PRB4: variants seen among roughly 807,000 people sequenced by gnomAD.
PRB4 encodes proline rich protein BstNI subfamily 4.
In PRB4, 14 loss-of-function variants were observed where a neutral mutation model predicts 9.1. That is an observed-to-expected ratio of 1.54 (90% CI 1.02 to 2.41). The LOEUF (loss-of-function observed/expected upper bound fraction) is 2.41. Ranked by LOEUF, PRB4 falls within the 30% of genes most tolerant of loss-of-function variation. The pLI, the probability that PRB4 is intolerant of heterozygous loss-of-function variation, is 0.00. For synonymous variants in PRB4, 102 were observed against 108.5 expected (o/e 0.94, Z 0.37); for missense variants, 381 against 299.3 (o/e 1.27, Z -2.02).
In PRB4 at chr12:11,310,393, C is replaced by A. The variant is rs1332777623; in HGVS notation, c.6G>T (p.Leu2=). 1 of 1,614,126 alleles carries A rather than the reference C, an allele frequency of 6.2e-7. No individual in the cohort carries two copies. Among genetic ancestry groups the A allele is most frequent in the Admixed American group, 1.7e-5 (1 of 60,014 alleles). Residue 2 remains leucine (L), a synonymous_variant, in exon 1 of 4, where the codon CTG becomes CTT. Coordinates refer to ENST00000279575, the MANE Select transcript of PRB4 (RefSeq NM_002723.6). M[L]LILLSVALLA... is the part of the protein sequence containing the mutation. ...GCAGGGCCACTGACAGCAGAATCAG[C>A]AGCATCTCGCTGGAGGCTCTGGAGT...
intron 1 of PRB4, 86 bp from the exon 2 acceptor site, chr12:11,309,491 C>T (rs188057707): frequency 1.5e-5 from 24 of 1,610,300 alleles, no homozygotes; most frequent in Middle Eastern, 1.7e-4. Flanking sequence ...ATTGTCTTCT[C>T]ACCACACCCC....
chr12:11,308,727 C>T lies in PRB4; in HGVS notation c.256G>A (p.Gly86Ser). 1.2e-6 allele frequency: 2 copies of T among 1,611,278 alleles called. No homozygotes were observed. Among genetic ancestry groups the T allele is most frequent in the Non-Finnish European group, 1.7e-6 (2 of 1,178,600 alleles). The stretch of plus-strand genomic sequence containing the variant: ...GGTGGGGGACCTTGGGACTGGTTGC[C>T]TCCTTGTGGGGGTCGTCCTTCTGGC... ...GKPEGRPPQG[G>S]NQSQGPPPHP... is the part of the protein sequence containing the mutation. Residue 86 changes from glycine (G) to serine (S), a missense_variant, in exon 3 of 4, where the codon GGC (glycine) becomes AGC (serine). By Grantham distance (56) the Gly-to-Ser change is moderately conservative. Coordinates refer to ENST00000279575, the MANE Select transcript of PRB4 (RefSeq NM_002723.6).
rs144775849 is a variant in PRB4, at chr12:11,310,334, C to G, written c.64+1G>C. On this transcript the variant is annotated splice_donor_variant, in intron 1 of 3. Coordinates refer to ENST00000279575, the MANE Select transcript of PRB4 (RefSeq NM_002723.6). LOFTEE classifies it high-confidence loss of function. ...CGCATCTTTTCCCCCTTCTGTTTTACCTTCACTTGAACTCTCAGCTGAGCT... is the reference window on the plus strand; with the variant it reads ...CGCATCTTTTCCCCCTTCTGTTTTAGCTTCACTTGAACTCTCAGCTGAGCT... 6.8e-6 allele frequency: 11 copies of G among 1,614,100 alleles called. No homozygotes were observed. In the African/African-American group the frequency reaches 1.5e-4, roughly 22 times the overall value.
rs1017090699 is a variant in PRB4, at chr12:11,309,532, C to T, written c.65-127G>A. 1.7e-5 allele frequency: 27 copies of T among 1,565,312 alleles called. No individual in the cohort carries two copies. In the East Asian group the frequency reaches 6.1e-4, roughly 35 times the overall value. ...TCCCCTAGGTTAACTCATCAGCCACCATCTGTGAAGGTGCTGGAAGGGGTG... is the reference window on the plus strand; with the variant it reads ...TCCCCTAGGTTAACTCATCAGCCACTATCTGTGAAGGTGCTGGAAGGGGTG... On this transcript the variant is annotated intron_variant, in intron 1 of 3. Coordinates refer to ENST00000279575, the MANE Select transcript of PRB4 (RefSeq NM_002723.6).
In PRB4 at chr12:11,308,149, G is replaced by A. The variant is rs1166963937; in HGVS notation, c.*18+72C>T. 7 of 1,500,872 alleles carry A rather than the reference G, an allele frequency of 4.7e-6. No homozygotes were observed. In the African/African-American group the frequency reaches 5.5e-5, roughly 12 times the overall value. The allele number at this position is 1,500,872 out of a possible 1,614,324, so 93.0% of individuals were successfully genotyped here. ...AATACAATGTCAATGGGTTTTAGTT[G>A]ATTCATTGGCACAATAAAGTTGGAG... On this transcript the variant is annotated intron_variant, in intron 3 of 3. Transcript: ENST00000279575.
intron 1 of PRB4, 33 bp downstream of exon 1, chr12:11,310,302 C>A: frequency 6.2e-7 from 1 of 1,613,208 alleles, no homozygotes; most frequent in Non-Finnish European, 8.5e-7. Context: ...AAGTCCCAAG[C>A]AGTCACCGCA....
chr12:11,307,093 T>G lies in PRB4; in HGVS notation c.*125A>C, dbSNP rs1403726426. On this transcript the variant is annotated 3_prime_UTR_variant, in exon 4 of 4. Transcript: ENST00000279575. ...CCACAATCAGAAATTGCAAGCTGAT[T>G]ATTTTATTGGTATATTAAAGTTAGA... is the stretch of plus-strand genomic sequence containing the variant. 6.5e-6 allele frequency: 1 copy of G among 154,600 alleles called. No homozygotes were observed. The highest frequency in any genetic ancestry group is 1.9e-4 in the East Asian group (1 of 5,200). The allele number at this position is 154,600 out of a possible 1,614,324, so 9.6% of individuals were successfully genotyped here.
Position 11,308,211 on chromosome 12 carries a change from G to A in PRB4, c.*18+10C>T. 6.2e-7 allele frequency: 1 copy of A among 1,603,370 alleles called. No homozygotes were observed. The highest frequency in any genetic ancestry group is 1.1e-5 in the South Asian group (1 of 89,178). On this transcript the variant is annotated intron_variant, in intron 3 of 3. Transcript: ENST00000279575. ...TTAGAGTCCTGATGAATAATAAAGT[G>A]GAATCATACCTGTCATTGAATCCTA...
At chr12:11,309,313 T>A in intron 2 of PRB4, 57 bp downstream of exon 2, 1 of 1,613,178 alleles carries the variant, frequency 6.2e-7, no homozygotes, top group South Asian at 1.1e-5. Flanking sequence ...GGAGAAATGA[T>A]CCATTTGTAA....
At chr12:11,309,856 G>A (rs1376349353) in intron 1 of PRB4, among the ~76,000 whole-genome samples, 1 of 152,166 alleles carries the variant, frequency 6.6e-6, no homozygotes, top group Non-Finnish European at 1.5e-5. Flanking sequence ...GAGAAAAATT[G>A]TAATGATTGG....
At chr12:11,309,684 A>G (rs1863008122) in intron 1 of PRB4, among the ~76,000 whole-genome samples, 2 of 152,180 alleles carry the variant, frequency 1.3e-5, no homozygotes, top group Non-Finnish European at 2.9e-5. Context: ...TATGCATGCC[A>G]GGTACTTCAA....
intron 1 of PRB4, 69 bp downstream of exon 1, chr12:11,310,266 C>T (rs1863023009): frequency 2.5e-6 from 4 of 1,586,506 alleles, no homozygotes; most frequent in Admixed American, 1.7e-5. Context: ...CTCCTCTCTT[C>T]CCCATAATTA....
chr12:11,308,990 TCTTTG>T, intron 2 of PRB4, 108 bp from the exon 3 acceptor site: 5 of 1,495,204 alleles, frequency 3.3e-6, no homozygotes, highest in Non-Finnish European at 4.6e-6. Flanking sequence ...GATACTAATT[TCTTTG>T]CATTTTCAGT....
chr12:11,307,973 A>ACCT (rs1862950124), intron 3 of PRB4, among the ~76,000 whole-genome samples: 1 of 151,938 alleles, frequency 6.6e-6, no homozygotes, highest in Non-Finnish European at 1.5e-5. Flanking sequence ...ACATGGTACT[A>ACCT]CCTCCTCATT....
At position 11,310,363 on chromosome 12, in the gene PRB4, G is replaced by A. The variant is rs752965362; in HGVS notation, c.36C>T (p.Ala12=). 1.9e-6 allele frequency: 3 copies of A among 1,614,050 alleles called. No individual in the cohort carries two copies. Among genetic ancestry groups the A allele is most frequent in the African/African-American group, 1.3e-5 (1 of 74,912 alleles). ...CACTTGAACTCTCAGCTGAGCTCAGGGCCAGCAGGGCCACTGACAGCAGAA... is the reference window on the plus strand; with the variant it reads ...CACTTGAACTCTCAGCTGAGCTCAGAGCCAGCAGGGCCACTGACAGCAGAA... The part of the protein sequence containing the change: ...LLILLSVALL[A]LSSAESSSED... The change falls in exon 1 of 4, where the codon GCC becomes GCT. Residue 12 remains alanine (A), a synonymous_variant. Coordinates refer to ENST00000279575, the MANE Select transcript of PRB4 (RefSeq NM_002723.6).
intron 3 of PRB4, 150 bp from the exon 4 acceptor site, chr12:11,307,349 T>G (rs887779312): frequency 1.3e-5 from 2 of 152,616 alleles, no homozygotes; most frequent in Non-Finnish European, 2.9e-5. Context: ...AGGGATATAT[T>G]TACACAGATG....
At chr12:11,307,952 G>A (rs1326963462) in intron 3 of PRB4, among the ~76,000 whole-genome samples, 1 of 152,130 alleles carries the variant, frequency 6.6e-6, no homozygotes, top group African/African-American at 2.4e-5. Context: ...AAAACAGAAC[G>A]CCAAGAATGA....
chr12:11,308,320 A>G lies in PRB4; in HGVS notation c.663T>C (p.Ala221=). The G allele has an allele frequency of 6.2e-7, 1 of 1,610,622 alleles. No homozygotes were observed. The highest frequency in any genetic ancestry group is 8.5e-7 in the Non-Finnish European group (1 of 1,178,158). ...GTGGAGGTGGCCCCTGGGGCTTTCC[A>G]GCAGGAGGTGCCTGAGGCTGCTGGG... ...GNPQQPQAPP[A]GKPQGPPPPP... Residue 221 remains alanine (A), a synonymous_variant, in exon 3 of 4, where the codon GCT becomes GCC. Transcript: ENST00000279575.
rs760840223 is a variant in PRB4, at chr12:11,308,241, A to C, written c.742T>G (p.Ter248GluextTer5). The C allele has an allele frequency of 6.2e-7, 1 of 1,610,418 alleles. No individual in the cohort carries two copies. Among genetic ancestry groups the C allele is most frequent in the South Asian group, 1.1e-5 (1 of 90,370 alleles). Residue 248 changes from the stop codon to glutamate, a stop_lost, in exon 3 of 4, where the codon TAA becomes GAA. Coordinates refer to ENST00000279575, the MANE Select transcript of PRB4 (RefSeq NM_002723.6). ...CATACCTGTCATTGAATCCTAGATT[A>C]CTGGGGAGGCTGTTGTCCCTGGGCA... is the stretch of plus-strand genomic sequence containing the variant. Reference protein sequence around the residue: ...RPAQGQQPPQ* With the variant: ...RPAQGQQPPQE
Sources: allele counts gnomAD v4.1 joint callset (sites outside exome capture counted in the v4.1 genomes callset), GRCh38; gene constraint gnomAD v4.1.1; transcripts MANE v1.5; gene names NCBI Gene and HGNC (gene_info 2026-07-23, HGNC 2026-07-21).